FARS2: variants seen among roughly 807,000 people sequenced by gnomAD.
The protein encoded by FARS2 is phenylalanine--tRNA ligase, mitochondrial.
In FARS2, 40 loss-of-function variants were observed where a neutral mutation model predicts 46.4. The observed-to-expected ratio is 0.86, with a 90% CI of 0.67 to 1.12. The LOEUF (loss-of-function observed/expected upper bound fraction) is 1.12. Ranked by LOEUF, FARS2 falls within the 50% of genes most tolerant of loss-of-function variation. The pLI, the probability that FARS2 is intolerant of heterozygous loss-of-function variation, is 0.00. For missense variants in FARS2, 513 were observed against 567.9 expected (o/e 0.90, Z 0.98); for synonymous variants, 234 against 214.9 (o/e 1.09, Z -0.78).
chr6:5,570,964 G>T (rs1328978504), intron 5 of FARS2, among the ~76,000 whole-genome samples: 1 of 152,058 alleles, frequency 6.6e-6, no homozygotes, highest in Non-Finnish European at 1.5e-5. Context: ...TCTCATCCTG[G>T]GATTAGCTTT....
chr6:5,622,241 G>T (rs866441088), intron 6 of FARS2, among the ~76,000 whole-genome samples: 1 of 152,228 alleles, frequency 6.6e-6, no homozygotes, highest in South Asian at 2.1e-4. Context: ...GGGCTCATCA[G>T]ATTTTTTACA....
rs538546806 is a variant in FARS2, at chr6:5,505,044, G to C, written c.905-40136G>C. 6.6e-5 allele frequency among the ~76,000 whole-genome samples: 10 copies of C among 152,194 alleles called. No homozygotes were observed. In the South Asian group the frequency reaches 2.1e-3, roughly 32 times the overall value. ...AGTGATTATATAGATCCATGATTAT[G>C]AGAAAACCAGTTTGTCAGTCAATAA... On this transcript the variant is annotated intron_variant, in intron 4 of 6. Transcript: ENST00000274680.
rs1425496532 is a variant in FARS2, at chr6:5,406,923, A to G, written c.772+2222A>G. Among the ~76,000 whole-genome samples, 4 of 151,562 alleles carry G rather than the reference A, an allele frequency of 2.6e-5. No homozygotes were observed. The East Asian group carries it at 7.8e-4, about 30-fold the overall frequency. On this transcript the variant is annotated intron_variant, in intron 3 of 6. Transcript: ENST00000274680. The stretch of plus-strand genomic sequence containing the variant: ...AGGGTTAGTCATTTTAATTGTAGCC[A>G]TTCTAACAGGAGTCCAGTGGTATGT...
At chr6:5,504,026 A>G (rs1266260651) in intron 4 of FARS2, among the ~76,000 whole-genome samples, 1 of 152,228 alleles carries the variant, frequency 6.6e-6, no homozygotes, top group Non-Finnish European at 1.5e-5. Flanking sequence ...GAGACTTGCC[A>G]TTATTAAAAC....
chr6:5,313,668 G>A (rs543676944), intron 1 of FARS2, among the ~76,000 whole-genome samples: 34 of 152,222 alleles, frequency 2.2e-4, no homozygotes, highest in African/African-American at 7.9e-4. Flanking sequence ...AACAGCCTAG[G>A]TGGAGCCTTA....
chr6:5,519,816 C>T lies in FARS2; in HGVS notation c.905-25364C>T, dbSNP rs1265349987. On this transcript the variant is annotated intron_variant, in intron 4 of 6. Coordinates refer to ENST00000274680, the MANE Select transcript of FARS2 (RefSeq NM_006567.5). Reference sequence around the variant, plus strand: ...ATGATGTTGGTTCCATTGTGCCTCACTGGATGGCTTGCGGTGTGATCTTAA... The same window carrying T: ...ATGATGTTGGTTCCATTGTGCCTCATTGGATGGCTTGCGGTGTGATCTTAA... 3.3e-5 allele frequency among the ~76,000 whole-genome samples: 5 copies of T among 152,290 alleles called. No individual in the cohort carries two copies. The South Asian group carries it at 8.3e-4, about 25-fold the overall frequency.
intron 6 of FARS2, among the ~76,000 whole-genome samples, chr6:5,767,101 G>T (rs1371423909): frequency 6.6e-6 from 1 of 151,554 alleles, no homozygotes; most frequent in African/African-American, 2.4e-5. Flanking sequence ...TATTGCCCAG[G>T]CTGGAGTGCA....
chr6:5,658,228 C>A (rs1246221717), intron 6 of FARS2, among the ~76,000 whole-genome samples: 1 of 149,210 alleles, frequency 6.7e-6, no homozygotes, highest in African/African-American at 2.5e-5. Context: ...TGCTCTCCAG[C>A]CTGAGCAACA....
chr6:5,714,997 C>T (rs1759407653), intron 6 of FARS2, among the ~76,000 whole-genome samples: 1 of 151,996 alleles, frequency 6.6e-6, no homozygotes, highest in Admixed American at 6.6e-5. Flanking sequence ...TGCACTCCAG[C>T]CTGGGCAACA....
chr6:5,470,775 A>G (rs1203020314), intron 4 of FARS2, among the ~76,000 whole-genome samples: 1 of 152,228 alleles, frequency 6.6e-6, no homozygotes, highest in Non-Finnish European at 1.5e-5. Flanking sequence ...ACTTTTCTAG[A>G]AAATAGACAA....
chr6:5,642,851 G>A (rs1053043485), intron 6 of FARS2, among the ~76,000 whole-genome samples: 14 of 152,220 alleles, frequency 9.2e-5, no homozygotes, highest in African/African-American at 3.4e-4. Flanking sequence ...AAACTCGCTG[G>A]ATTCATCAAA....
chr6:5,413,132 A>G (rs1762033253), intron 3 of FARS2, among the ~76,000 whole-genome samples: 1 of 152,172 alleles, frequency 6.6e-6, no homozygotes, highest in Admixed American at 6.5e-5. Context: ...TGTTGGGGCT[A>G]AGGAATTGGT....
chr6:5,541,740 G>A (rs1388472218), intron 4 of FARS2, among the ~76,000 whole-genome samples: 1 of 152,170 alleles, frequency 6.6e-6, no homozygotes, highest in Non-Finnish European at 1.5e-5. Flanking sequence ...TAAAGTGAAA[G>A]CAAGTTTATT....
chr6:5,384,160 G>T (rs546406265), intron 2 of FARS2, among the ~76,000 whole-genome samples: 2 of 152,132 alleles, frequency 1.3e-5, no homozygotes, highest in South Asian at 2.1e-4. Context: ...CATGTAATTT[G>T]TGTGCAGCTT....
At chr6:5,565,433 C>T (rs1772269655) in intron 5 of FARS2, among the ~76,000 whole-genome samples, 1 of 152,056 alleles carries the variant, frequency 6.6e-6, no homozygotes, top group South Asian at 2.1e-4. Flanking sequence ...CTGTTAAAGT[C>T]CTTAATATAG....
In FARS2 at chr6:5,737,221, A is replaced by C. The variant is rs138503999; in HGVS notation, c.1218-34070A>C. Among the ~76,000 whole-genome samples, 4 of 152,326 alleles carry C rather than the reference A, an allele frequency of 2.6e-5. No individual in the cohort carries two copies. In the East Asian group the frequency reaches 7.7e-4, roughly 29 times the overall value. On this transcript the variant is annotated intron_variant, in intron 6 of 6. Transcript: ENST00000274680. Reference sequence around the variant, plus strand: ...CCTGAAAGGCAATGGGGGAAACAAGAAATAGAATAGGCTTCAGAAATAAGA... The same window carrying C: ...CCTGAAAGGCAATGGGGGAAACAAGCAATAGAATAGGCTTCAGAAATAAGA...
intron 3 of FARS2, among the ~76,000 whole-genome samples, chr6:5,419,883 C>T (rs960351851): frequency 1.1e-4 from 17 of 152,168 alleles, no homozygotes; most frequent in African/African-American, 3.6e-4. Context: ...CCAAGCCCAG[C>T]AGGCTCACTT....
chr6:5,583,834 C>T (rs1055910052), intron 5 of FARS2, among the ~76,000 whole-genome samples: 24 of 152,134 alleles, frequency 1.6e-4, no homozygotes, highest in African/African-American at 5.3e-4. Flanking sequence ...CCATCCCGGG[C>T]ACAGGCAACT....
At chr6:5,699,789 G>A (rs1364807836) in intron 6 of FARS2, among the ~76,000 whole-genome samples, 1 of 152,146 alleles carries the variant, frequency 6.6e-6, no homozygotes, top group Non-Finnish European at 1.5e-5. Context: ...AAATTTGGCA[G>A]CACAGTTGAA....
Sources: gnomAD v4.1 joint callset for allele counts (sites outside exome capture counted in the v4.1 genomes callset) on GRCh38, gnomAD v4.1.1 for gene constraint, MANE v1.5 for transcripts, NCBI Gene and HGNC (gene_info 2026-07-23, HGNC 2026-07-21) for gene names.